Variants in BPNT2 observed in about 807,000 individuals in gnomAD.
The protein encoded by BPNT2 is 3'(2'), 5'-bisphosphate nucleotidase 2.
BPNT2 carries 11 observed loss-of-function variants against 29.3 expected under a neutral mutation model. The ratio of observed to expected loss-of-function variants is 0.38; its 90% CI spans 0.24 to 0.62. The LOEUF is 0.62. BPNT2 is among the 20% of genes least tolerant of loss of function. The pLI, the probability that BPNT2 is intolerant of heterozygous loss-of-function variation, is 0.62. For missense variants in BPNT2, 459 were observed against 473.4 expected (o/e 0.97, Z 0.28); for synonymous variants, 195 against 187.7 (o/e 1.04, Z -0.32).
chr8:56,975,908 AG>A (rs1451338604), intron 3 of BPNT2, among the ~76,000 whole-genome samples: 5 of 152,174 alleles, frequency 3.3e-5, no homozygotes, highest in Admixed American at 3.3e-4. Flanking sequence ...ATTGTAAGTG[AG>A]AGTACTGATT....
chr8:56,963,291 C>T lies in BPNT2; in HGVS notation c.*502G>A, dbSNP rs1482110690. 1 of 152,870 alleles carries T rather than the reference C, an allele frequency of 6.5e-6. No individual in the cohort carries two copies. Among genetic ancestry groups the T allele is most frequent in the Non-Finnish European group, 1.5e-5 (1 of 68,402 alleles). 9.5% of individuals were successfully genotyped at this position (152,870 alleles called of 1,614,324 possible). On this transcript the variant is annotated 3_prime_UTR_variant, in exon 5 of 5. Transcript: ENST00000262644. ...GAAATATTCAGTAACATAAATACAACATTTGTTGCATATTAATGAATGTGT... is the reference window on the plus strand; with the variant it reads ...GAAATATTCAGTAACATAAATACAATATTTGTTGCATATTAATGAATGTGT...
chr8:56,980,235 C>T (rs201715654), intron 1 of BPNT2, 38 bp from the exon 2 acceptor site: 58 of 1,515,966 alleles, frequency 3.8e-5, no homozygotes, highest in East Asian at 6.8e-5. Context: ...AAAAGTAAGA[C>T]GAACAATCAC....
rs374680453 is a variant in BPNT2, at chr8:56,978,161, C to G, written c.551-16G>C. The G allele has an allele frequency of 2.9e-6, 4 of 1,401,382 alleles. No individual in the cohort carries two copies. The highest frequency in any genetic ancestry group is 4.0e-6 in the Non-Finnish European group (4 of 988,256). The allele number at this position is 1,401,382 out of a possible 1,614,324, so 86.8% of individuals were successfully genotyped here. ...CGAAGATCCTCTATGAGAAAAAAAA[C>G]AAAACAACACACACAAATGTCAAAG... On this transcript the variant is annotated splice_polypyrimidine_tract_variant and intron_variant, in intron 2 of 4. Coordinates refer to ENST00000262644, the MANE Select transcript of BPNT2 (RefSeq NM_017813.5).
intron 1 of BPNT2, among the ~76,000 whole-genome samples, chr8:56,992,823 C>A (rs1047755651): frequency 6.6e-6 from 1 of 151,960 alleles, no homozygotes; most frequent in African/African-American, 2.4e-5. Context: ...CAGTTTCGAC[C>A]CTTCTAGGGA....
intron 1 of BPNT2, 81 bp from the exon 2 acceptor site, chr8:56,980,278 C>T (rs968673353): frequency 2.8e-6 from 3 of 1,064,248 alleles, no homozygotes; most frequent in Non-Finnish European, 2.9e-6. Flanking sequence ...TTTCAGACAA[C>T]AATCACCCAA....
In BPNT2 at chr8:56,993,599, G is replaced by A. The variant is rs1388308037; in HGVS notation, c.-14C>T. On this transcript the variant is annotated 5_prime_UTR_variant, in exon 1 of 5. Coordinates refer to ENST00000262644, the MANE Select transcript of BPNT2 (RefSeq NM_017813.5). ...CATGGGGGCCATGGCGTGGGAAGCC[G>A]GGCGCTCCGGGCTGCGGCTCTCACA... is the stretch of plus-strand genomic sequence containing the variant. 2.1e-6 allele frequency: 3 copies of A among 1,415,520 alleles called. No homozygotes were observed. Among genetic ancestry groups the A allele is most frequent in the South Asian group, 3.1e-5 (2 of 65,416 alleles). The allele number at this position is 1,415,520 out of a possible 1,614,324, so 87.7% of individuals were successfully genotyped here.
At chr8:56,980,365 A>G (rs958428616) in intron 1 of BPNT2, among the ~76,000 whole-genome samples, 168 bp from the exon 2 acceptor site, 1 of 152,216 alleles carries the variant, frequency 6.6e-6, no homozygotes, top group Admixed American at 6.5e-5. Flanking sequence ...ATGAAAAAAA[A>G]AAATCCATGA....
chr8:56,991,211 T>C (rs956778348), intron 1 of BPNT2, among the ~76,000 whole-genome samples: 2 of 152,208 alleles, frequency 1.3e-5, no homozygotes, highest in African/African-American at 4.8e-5. Flanking sequence ...ACTGTATAAA[T>C]GATCACAAAC....
At chr8:56,971,971 T>G (rs1478751696) in intron 3 of BPNT2, among the ~76,000 whole-genome samples, 1 of 151,886 alleles carries the variant, frequency 6.6e-6, no homozygotes, top group Non-Finnish European at 1.5e-5. Context: ...GTCAGGCATC[T>G]GCAGTTCCAG....
intron 1 of BPNT2, among the ~76,000 whole-genome samples, chr8:56,981,733 T>C (rs1470954993): frequency 6.6e-6 from 1 of 152,154 alleles, no homozygotes; most frequent in Non-Finnish European, 1.5e-5. Flanking sequence ...GAGACTTCTA[T>C]CACATCATCA....
intron 3 of BPNT2, among the ~76,000 whole-genome samples, chr8:56,973,170 T>C (rs1177745059): frequency 6.6e-6 from 1 of 152,074 alleles, no homozygotes; most frequent in Admixed American, 6.5e-5. Context: ...GGGACTGCCT[T>C]TTAAAGTTCT....
intron 2 of BPNT2, among the ~76,000 whole-genome samples, chr8:56,978,541 C>T (rs577077514): frequency 1.3e-5 from 2 of 152,130 alleles, no homozygotes; most frequent in South Asian, 4.2e-4. Flanking sequence ...ATTCCCATTA[C>T]TGGTCCAAAA....
At chr8:56,980,469 AC>A (rs1447382510) in intron 1 of BPNT2, among the ~76,000 whole-genome samples, 1 of 152,182 alleles carries the variant, frequency 6.6e-6, no homozygotes, top group African/African-American at 2.4e-5. Context: ...ATATAGAGAA[AC>A]TGAGCATTGA....
chr8:56,966,214 G>T lies in BPNT2; in HGVS notation c.785C>A (p.Thr262Lys). 1.2e-6 allele frequency: 2 copies of T among 1,614,188 alleles called. No individual in the cohort carries two copies. Among genetic ancestry groups the T allele is most frequent in the Non-Finnish European group, 1.7e-6 (2 of 1,180,026 alleles). ...VALQTFGNQT[T>K]IIPAGGAGYK... Reference sequence around the variant, plus strand: ...ACCAGCACCACCAGCTGGGATAATTGTAGTCTGGTTTCCAAAAGTCTGAAG... The same window carrying T: ...ACCAGCACCACCAGCTGGGATAATTTTAGTCTGGTTTCCAAAAGTCTGAAG... The change falls in exon 4 of 5, where the codon ACA becomes AAA. Residue 262 changes from threonine to lysine, a missense_variant. Transcript: ENST00000262644.
At position 56,961,249 on chromosome 8, in the gene BPNT2, C is replaced by T. The variant is rs987628492; in HGVS notation, c.*2544G>A. On this transcript the variant is annotated 3_prime_UTR_variant, in exon 5 of 5. Coordinates refer to ENST00000262644, the MANE Select transcript of BPNT2 (RefSeq NM_017813.5). ...AAAGCAAAAGGTAATGACTTTGCTA[C>T]TTTTTAGAAATAATTTTAATGTAAT... 1.3e-5 allele frequency: 2 copies of T among 152,132 alleles called. No homozygotes were observed. Among genetic ancestry groups the T allele is most frequent in the Non-Finnish European group, 2.9e-5 (2 of 68,032 alleles). The allele number at this position is 152,132 out of a possible 1,614,324, so 9.4% of individuals were successfully genotyped here.
At chr8:56,992,918 TA>T (rs1376046630) in intron 1 of BPNT2, among the ~76,000 whole-genome samples, 1 of 152,028 alleles carries the variant, frequency 6.6e-6, no homozygotes, top group Non-Finnish European at 1.5e-5. Context: ...CGGGTGCAAT[TA>T]ACTTTGTCAG....
In BPNT2 at chr8:56,979,706, T is replaced by C. The variant is rs191349216; in HGVS notation, c.550+329A>G. On this transcript the variant is annotated intron_variant, in intron 2 of 4. Transcript: ENST00000262644. The stretch of plus-strand genomic sequence containing the variant: ...TACAAAAATAAAATCTGACTAGGAC[T>C]AGGTAAAAAAGGGGACTGGAGGGAC... Among the ~76,000 whole-genome samples, 385 of 152,292 alleles carry C rather than the reference T, an allele frequency of 2.5e-3. 1 individual carries two copies. Among genetic ancestry groups the C allele is most frequent in the Non-Finnish European group, 4.3e-3 (295 of 68,008 alleles).
chr8:56,980,050 T>C lies in BPNT2; in HGVS notation c.535A>G (p.Thr179Ala). The change falls in exon 2 of 5, where the codon ACA (threonine) becomes GCA (alanine). Residue 179 changes from threonine (T) to alanine (A), a missense_variant. Transcript: ENST00000262644. ...TAAAAATTACCTGTATATTCCTGTGTAGCATCAAGTGGGTCAATCCAGACA... is the reference window on the plus strand; with the variant it reads ...TAAAAATTACCTGTATATTCCTGTGCAGCATCAAGTGGGTCAATCCAGACA... ...VTVWIDPLDA[T>A]QEYTEDLRKY... 1.2e-6 allele frequency: 2 copies of C among 1,613,942 alleles called. No individual in the cohort carries two copies. The highest frequency in any genetic ancestry group is 8.5e-7 in the Non-Finnish European group (1 of 1,179,890).
At chr8:56,993,052 T>A in intron 1 of BPNT2, 147 bp downstream of exon 1, 1 of 1,496,552 alleles carries the variant, frequency 6.7e-7, no homozygotes, top group Non-Finnish European at 8.9e-7. Flanking sequence ...CTCTGCTGTC[T>A]GTCTGACCTT....
Sources: gnomAD v4.1 joint callset for allele counts (sites outside exome capture counted in the v4.1 genomes callset) on GRCh38, gnomAD v4.1.1 for gene constraint, MANE v1.5 for transcripts, NCBI Gene and HGNC (gene_info 2026-07-23, HGNC 2026-07-21) for gene names.